The following DENND5A variants were observed in gnomAD, a reference collection of about 807,000 sequenced individuals.
DENND5A encodes the protein DENN domain containing 5A.
In DENND5A, 64 loss-of-function variants were observed where a neutral mutation model predicts 140.3. The ratio of observed to expected loss-of-function variants is 0.46; its 90% CI spans 0.37 to 0.56. DENND5A has a LOEUF of 0.56. Among genes scored for constraint, DENND5A ranks in the 20% least tolerant of loss-of-function variants. The pLI, the probability that DENND5A is intolerant of heterozygous loss-of-function variation, is 0.00. For missense variants in DENND5A, 1,292 were observed against 1,593.8 expected (o/e 0.81, Z 3.22); for synonymous variants, 605 against 607.7 (o/e 1.00, Z 0.07).
At chr11:9,262,817 C>A (rs1204294863) in intron 1 of DENND5A, among the ~76,000 whole-genome samples, 1 of 152,050 alleles carries the variant, frequency 6.6e-6, no homozygotes, top group African/African-American at 2.4e-5. Flanking sequence ...TCTGGGCTCA[C>A]TGCGAGCTCC....
intron 10 of DENND5A, among the ~76,000 whole-genome samples, chr11:9,168,092 A>ATTTTTT (rs11285106): frequency 0.11 from 16,082 of 141,606 alleles, 1,073 homozygotes; most frequent in African/African-American, 0.16. Flanking sequence ...AACCTCAGTG[A>ATTTTTT]TTTTTTTTTT....
intron 1 of DENND5A, among the ~76,000 whole-genome samples, chr11:9,244,222 G>A (rs1463752402): frequency 6.6e-6 from 1 of 152,166 alleles, no homozygotes. Context: ...TTGTATTTCT[G>A]CTGTGGTTTA....
At chr11:9,198,225 A>G (rs2136202908) in intron 4 of DENND5A, among the ~76,000 whole-genome samples, 2 of 152,258 alleles carry the variant, frequency 1.3e-5, no homozygotes, top group Non-Finnish European at 2.9e-5. Context: ...GAAGCAATTA[A>G]GAATAAAAAA....
At chr11:9,263,482 A>T (rs1471519141) in intron 1 of DENND5A, among the ~76,000 whole-genome samples, 1 of 147,762 alleles carries the variant, frequency 6.8e-6, no homozygotes, top group African/African-American at 2.5e-5. Flanking sequence ...TCGGCCTCCC[A>T]AAGTGCTGGG....
chr11:9,216,607 T>C (rs1417453987), intron 1 of DENND5A, among the ~76,000 whole-genome samples: 1 of 152,206 alleles, frequency 6.6e-6, no homozygotes, highest in Non-Finnish European at 1.5e-5. Context: ...ACAGGAGGAC[T>C]AACCGAAAGC....
intron 8 of DENND5A, chr11:9,171,731 CATACACCTTT>C (rs1848381265): frequency 6.6e-6 from 1 of 151,236 alleles, no homozygotes; most frequent in Non-Finnish European, 1.5e-5. Context: ...GACATGGTGG[CATACACCTTT>C]ATTCCTAGCT....
intron 12 of DENND5A, among the ~76,000 whole-genome samples, chr11:9,156,208 G>A (rs967549201): frequency 3.0e-4 from 46 of 152,230 alleles, no homozygotes; most frequent in African/African-American, 9.4e-4. Context: ...AGCTGAACAC[G>A]TATCCCTAAG....
rs768604681 is a variant in DENND5A at position 9,164,056 on chromosome 11, G to GTTTTTTT, written c.2283+1773_2283+1779dup. Among the ~76,000 whole-genome samples the GTTTTTTT allele has an allele frequency of 4.6e-3, 265 of 57,984 alleles. 47 individuals carry two copies. Among genetic ancestry groups the GTTTTTTT allele is most frequent in the East Asian group, 7.0e-3 (12 of 1,708 alleles). The allele number at this position is 57,984 out of a possible 152,430, so 38.0% of individuals were successfully genotyped here. On this transcript the variant is annotated intron_variant, in intron 11 of 22. Transcript: ENST00000328194. ...ATATCAGTACTGATATATTAATCAGGTTTTTTTTTTTTTTTTTTTTTTTTT... is the reference window on the plus strand; with the variant it reads ...ATATCAGTACTGATATATTAATCAGGTTTTTTTTTTTTTTTTTTTTTTTTTTTTTTTT...
chr11:9,169,103 C>G (rs1238689644), intron 10 of DENND5A, among the ~76,000 whole-genome samples: 1 of 152,112 alleles, frequency 6.6e-6, no homozygotes, highest in Admixed American at 6.5e-5. Context: ...TCAAGATTAT[C>G]TGTTTCAATT....
At chr11:9,161,443 C>T (rs1847982242) in intron 11 of DENND5A, among the ~76,000 whole-genome samples, 1 of 152,184 alleles carries the variant, frequency 6.6e-6, no homozygotes, top group Non-Finnish European at 1.5e-5. Context: ...TCAGTTTTTG[C>T]ATTTATGCAA....
At chr11:9,244,112 C>T (rs1319777637) in intron 1 of DENND5A, among the ~76,000 whole-genome samples, 2 of 152,060 alleles carry the variant, frequency 1.3e-5, no homozygotes, top group African/African-American at 4.8e-5. Flanking sequence ...TGCCCCTAAC[C>T]CCCAACTTGG....
At chr11:9,217,285 C>T (rs1850130158) in intron 1 of DENND5A, among the ~76,000 whole-genome samples, 3 of 151,982 alleles carry the variant, frequency 2.0e-5, no homozygotes, top group South Asian at 4.1e-4. Context: ...GAGGCTGAGG[C>T]GGGTGATCAC....
intron 8 of DENND5A, 148 bp from the exon 9 acceptor site, chr11:9,170,925 G>C (rs1848352094): frequency 3.0e-6 from 4 of 1,346,492 alleles, no homozygotes; most frequent in East Asian, 2.4e-5. Flanking sequence ...TGCCTAATAG[G>C]AAAAAACCCA....
At chr11:9,225,644 T>C (rs919392912) in intron 1 of DENND5A, among the ~76,000 whole-genome samples, 7 of 152,120 alleles carry the variant, frequency 4.6e-5, no homozygotes, top group African/African-American at 1.7e-4. Context: ...ATACCTATAA[T>C]CTGGCTACTC....
chr11:9,189,354 C>T (rs558893354), intron 5 of DENND5A, among the ~76,000 whole-genome samples: 187 of 152,242 alleles, frequency 1.2e-3, no homozygotes, highest in African/African-American at 4.2e-3. Context: ...TAGAGTAGTG[C>T]GGAAGGGAAA....
chr11:9,264,969 T>G lies in DENND5A; in HGVS notation c.101A>C (p.Glu34Ala), dbSNP rs1590358490. The G allele has an allele frequency of 1.9e-6, 3 of 1,582,398 alleles. No homozygotes were observed. In the East Asian group the frequency reaches 7.1e-5, roughly 38 times the overall value. The change falls in exon 1 of 23, where the codon GAG becomes GCG. Residue 34 changes from glutamate (E) to alanine (A), a missense_variant. Coordinates refer to ENST00000328194, the MANE Select transcript of DENND5A (RefSeq NM_015213.4). ...LDTETGLEPD[E>A]LSALCQYIQA... Reference sequence around the variant, plus strand: ...GCTCGGCGCGCACTCACCCGACAGCTCGTCCGGCTCCAGCCCGGTCTCCGT... The same window carrying G: ...GCTCGGCGCGCACTCACCCGACAGCGCGTCCGGCTCCAGCCCGGTCTCCGT...
At chr11:9,144,847 T>C (rs1279718112) in intron 18 of DENND5A, 148 bp downstream of exon 18, 2 of 654,650 alleles carry the variant, frequency 3.1e-6, no homozygotes, top group East Asian at 5.1e-5. Flanking sequence ...CTACTTACTT[T>C]CAAGTGTATG....
At chr11:9,242,496 A>G (rs552016927) in intron 1 of DENND5A, 15 of 152,294 alleles carry the variant, frequency 9.8e-5, no homozygotes, top group African/African-American at 3.6e-4. Flanking sequence ...CCCCATCACT[A>G]AGTTGGTCTT....
Position 9,247,184 on chromosome 11 carries a change from C to T in DENND5A, c.109+17777G>A, listed in dbSNP as rs377721703. Among the ~76,000 whole-genome samples, 421 of 149,610 alleles carry T rather than the reference C, an allele frequency of 2.8e-3. 2 individuals carry two copies. Among genetic ancestry groups the T allele is most frequent in the African/African-American group, 9.8e-3 (400 of 40,618 alleles). Reference sequence around the variant, plus strand: ...GGCGGAGCTTGCAGTGAGCCGAGATCGTGCCACTGCACTCCAGCCTGGGCG... The same window carrying T: ...GGCGGAGCTTGCAGTGAGCCGAGATTGTGCCACTGCACTCCAGCCTGGGCG... On this transcript the variant is annotated intron_variant, in intron 1 of 22. Coordinates refer to ENST00000328194, the MANE Select transcript of DENND5A (RefSeq NM_015213.4).
Sources: gnomAD v4.1 joint callset for allele counts (sites outside exome capture counted in the v4.1 genomes callset) on GRCh38, gnomAD v4.1.1 for gene constraint, MANE v1.5 for transcripts, NCBI Gene and HGNC (gene_info 2026-07-23, HGNC 2026-07-21) for gene names.